Variants in PPP2R5A observed in about 807,000 individuals in gnomAD.
PPP2R5A encodes the protein protein phosphatase 2 regulatory subunit B'alpha.
In PPP2R5A, 25 loss-of-function variants were observed where a neutral mutation model predicts 64.2. The observed-to-expected ratio is 0.39, with a 90% CI of 0.28 to 0.54. The LOEUF (loss-of-function observed/expected upper bound fraction) is 0.54. Among genes scored for constraint, PPP2R5A ranks in the 20% least tolerant of loss-of-function variants. The probability of loss-of-function intolerance (pLI) is 0.67; values close to 1 mark genes in which losing one functional copy is unlikely to be tolerated. For synonymous variants in PPP2R5A, 198 were observed against 201.2 expected (o/e 0.98, Z 0.13); for missense variants, 425 against 576.3 (o/e 0.74, Z 2.69).
chr1:212,318,754 T>C (rs890272916), intron 1 of PPP2R5A, among the ~76,000 whole-genome samples: 4 of 152,242 alleles, frequency 2.6e-5, no homozygotes, highest in Non-Finnish European at 5.9e-5. Flanking sequence ...GACTTTTTTT[T>C]CAGGTCATTA....
chr1:212,339,900 G>A (rs7513268), intron 3 of PPP2R5A, among the ~76,000 whole-genome samples: 14,243 of 148,264 alleles, frequency 0.096, 2,192 homozygotes, highest in African/African-American at 0.33. Flanking sequence ...CCTTATGGTG[G>A]AATCTCCAGG....
chr1:212,360,794 G>T lies in PPP2R5A; in HGVS notation c.*24G>T. On this transcript the variant is annotated 3_prime_UTR_variant, in exon 13 of 13. Coordinates refer to ENST00000261461, the MANE Select transcript of PPP2R5A (RefSeq NM_006243.4). The stretch of plus-strand genomic sequence containing the variant: ...AAAAAAAAAGCCTCCCACCTCTGCC[G>T]GATAGGCAGAGTTTTGTATGCTTTT... 6.7e-7 allele frequency: 1 copy of T among 1,496,340 alleles called. No homozygotes were observed. The highest frequency in any genetic ancestry group is 1.4e-5 in the South Asian group (1 of 71,948). The allele number at this position is 1,496,340 out of a possible 1,614,324, so 92.7% of individuals were successfully genotyped here.
At chr1:212,334,486 G>A (rs540467916) in intron 3 of PPP2R5A, among the ~76,000 whole-genome samples, 2 of 152,228 alleles carry the variant, frequency 1.3e-5, no homozygotes, top group South Asian at 4.1e-4. Flanking sequence ...TAGAGATGGG[G>A]TTTTGCCATG....
At chr1:212,315,296 A>G (rs1476941386) in intron 1 of PPP2R5A, among the ~76,000 whole-genome samples, 1 of 152,254 alleles carries the variant, frequency 6.6e-6, no homozygotes, top group Non-Finnish European at 1.5e-5. Flanking sequence ...AGACTCAGAC[A>G]TTGAAAATTC....
intron 1 of PPP2R5A, among the ~76,000 whole-genome samples, chr1:212,320,474 CG>C (rs1438259904): frequency 5.3e-5 from 8 of 152,166 alleles, no homozygotes; most frequent in Admixed American, 5.2e-4. Context: ...ACCTCCCAGA[CG>C]GGGTGGTGGC....
At chr1:212,294,684 A>G (rs980523575) in intron 1 of PPP2R5A, among the ~76,000 whole-genome samples, 5 of 152,224 alleles carry the variant, frequency 3.3e-5, no homozygotes, top group African/African-American at 1.2e-4. Flanking sequence ...TTTAAATTTA[A>G]TGTCTTTAGG....
At chr1:212,314,464 A>G (rs1218599338) in intron 1 of PPP2R5A, among the ~76,000 whole-genome samples, 1 of 151,702 alleles carries the variant, frequency 6.6e-6, no homozygotes, top group African/African-American at 2.4e-5. Context: ...GTGCATGATC[A>G]CAGCTTATTG....
intron 3 of PPP2R5A, among the ~76,000 whole-genome samples, chr1:212,340,603 G>C (rs1182695488): frequency 6.6e-6 from 1 of 152,126 alleles, no homozygotes; most frequent in Non-Finnish European, 1.5e-5. Flanking sequence ...TGTTTGATTA[G>C]AAAATTATCT....
intron 1 of PPP2R5A, among the ~76,000 whole-genome samples, chr1:212,298,860 C>T (rs1447571257): frequency 4.8e-4 from 19 of 39,476 alleles, no homozygotes; most frequent in South Asian, 7.6e-4. Flanking sequence ...CCGGACGGGG[C>T]GGCTGGCCAG....
chr1:212,292,154 C>T (rs942509461), intron 1 of PPP2R5A, among the ~76,000 whole-genome samples: 1 of 152,224 alleles, frequency 6.6e-6, no homozygotes, highest in African/African-American at 2.4e-5. Flanking sequence ...TGTCTATCAT[C>T]TAACTTAATC....
chr1:212,342,090 T>G, intron 3 of PPP2R5A, 98 bp from the exon 4 acceptor site: 1 of 1,450,750 alleles, frequency 6.9e-7, no homozygotes. Flanking sequence ...ATCTCCCCAC[T>G]AAGTTGGTAA....
intron 8 of PPP2R5A, 121 bp from the exon 9 acceptor site, chr1:212,356,505 A>T: frequency 1.1e-6 from 1 of 884,124 alleles, no homozygotes; most frequent in Non-Finnish European, 1.7e-6. Flanking sequence ...ATTTATACAC[A>T]TATATTAAGC....
intron 3 of PPP2R5A, among the ~76,000 whole-genome samples, chr1:212,334,462 T>A (rs1297347708): frequency 6.6e-6 from 1 of 152,084 alleles, no homozygotes; most frequent in Non-Finnish European, 1.5e-5. Flanking sequence ...ACCTGCTAAT[T>A]TTTGTATTTT....
At chr1:212,313,957 T>A (rs1295182718) in intron 1 of PPP2R5A, 1 of 152,254 alleles carries the variant, frequency 6.6e-6, no homozygotes, top group Non-Finnish European at 1.5e-5. Flanking sequence ...ATTGTATTCC[T>A]TGTATAGATT....
At chr1:212,352,389 G>A (rs979657616) in intron 8 of PPP2R5A, among the ~76,000 whole-genome samples, 3 of 151,620 alleles carry the variant, frequency 2.0e-5, no homozygotes, top group African/African-American at 7.3e-5. Context: ...AATACTGCCC[G>A]ACATTGAAAT....
chr1:212,356,546 T>C (rs1484161774), intron 8 of PPP2R5A, 80 bp from the exon 9 acceptor site: 1 of 1,302,182 alleles, frequency 7.7e-7, no homozygotes, highest in Non-Finnish European at 1.1e-6. Context: ...TGAGTGTTGA[T>C]ATAATCACAG....
In PPP2R5A at chr1:212,358,667, T is replaced by A. The variant is rs749071291; in HGVS notation, c.1227-19T>A. On this transcript the variant is annotated intron_variant, in intron 11 of 12. Coordinates refer to ENST00000261461, the MANE Select transcript of PPP2R5A (RefSeq NM_006243.4). ...TGTTAGCAGTATCATAACTCAGGAC[T>A]GGCTCATTTTCATTTCAGGACCATT... The A allele has an allele frequency of 6.4e-7, 1 of 1,570,652 alleles. No individual in the cohort carries two copies. The highest frequency in any genetic ancestry group is 2.3e-5 in the East Asian group (1 of 44,442).
At chr1:212,354,296 T>A (rs1387455372) in intron 8 of PPP2R5A, among the ~76,000 whole-genome samples, 1 of 151,906 alleles carries the variant, frequency 6.6e-6, no homozygotes, top group Non-Finnish European at 1.5e-5. Context: ...GGTAGGGGGA[T>A]CTCTTGAGCC....
At chr1:212,287,667 T>A (rs1200684931) in intron 1 of PPP2R5A, among the ~76,000 whole-genome samples, 1 of 151,800 alleles carries the variant, frequency 6.6e-6, no homozygotes, top group East Asian at 1.9e-4. Flanking sequence ...AAAATTTACA[T>A]AGCAAAATGG....
Sources: gnomAD v4.1 joint callset for allele counts (sites outside exome capture counted in the v4.1 genomes callset) on GRCh38, gnomAD v4.1.1 for gene constraint, MANE v1.5 for transcripts, NCBI Gene and HGNC (gene_info 2026-07-23, HGNC 2026-07-21) for gene names.